The following FNIP1 variants were observed in gnomAD, a reference collection of about 807,000 sequenced individuals.
The protein encoded by FNIP1 is folliculin interacting protein 1.
Under a neutral mutation model 124.5 loss-of-function variants are expected in FNIP1, and 40 were observed. The observed-to-expected ratio is 0.32, with a 90% CI of 0.25 to 0.42. The LOEUF (loss-of-function observed/expected upper bound fraction) is 0.42. Ranked by LOEUF, FNIP1 falls within the 10% of genes least tolerant of loss-of-function variation. The pLI is 1.00. For missense variants in FNIP1, 1,176 were observed against 1,403.7 expected, an observed-to-expected ratio of 0.84 and a Z score of 2.59; for synonymous variants, 472 against 470.6, an observed-to-expected ratio of 1.00 and a Z score of -0.04.
chr5:131,756,737 G>A (rs774006488), intron 1 of FNIP1, among the ~76,000 whole-genome samples: 7 of 152,092 alleles, frequency 4.6e-5, no homozygotes, highest in Non-Finnish European at 8.8e-5. Context: ...AAAAAGCAGC[G>A]GTCAAGCATA....
At chr5:131,732,999 T>C (rs1431312880) in intron 2 of FNIP1, among the ~76,000 whole-genome samples, 1 of 152,164 alleles carries the variant, frequency 6.6e-6, no homozygotes, top group African/African-American at 2.4e-5. Flanking sequence ...TCCTCTTTTA[T>C]TTCGTTGAGC....
At chr5:131,755,349 A>C (rs1771013209) in intron 1 of FNIP1, among the ~76,000 whole-genome samples, 1 of 150,798 alleles carries the variant, frequency 6.6e-6, no homozygotes, top group Non-Finnish European at 1.5e-5. Context: ...TGAACCTGGG[A>C]GGCAGAGGTC....
At chr5:131,721,083 T>C (rs948688061) in intron 3 of FNIP1, among the ~76,000 whole-genome samples, 4 of 152,198 alleles carry the variant, frequency 2.6e-5, no homozygotes, top group African/African-American at 7.2e-5. Context: ...TAACCCTAAA[T>C]GTCCACTGAC....
At chr5:131,773,738 T>C (rs1371211458) in intron 1 of FNIP1, among the ~76,000 whole-genome samples, 1 of 152,244 alleles carries the variant, frequency 6.6e-6, no homozygotes, top group Non-Finnish European at 1.5e-5. Context: ...TTCTGACAAC[T>C]ATCTCAACAT....
At chr5:131,734,657 G>A (rs9765486) in intron 2 of FNIP1, among the ~76,000 whole-genome samples, 4,559 of 152,258 alleles carry the variant, frequency 0.03, 228 homozygotes, top group African/African-American at 0.1. Flanking sequence ...CGAAGGATAT[G>A]AACAGACACC....
At chr5:131,772,932 C>T (rs574729112) in intron 1 of FNIP1, among the ~76,000 whole-genome samples, 1 of 152,260 alleles carries the variant, frequency 6.6e-6, no homozygotes, top group South Asian at 2.1e-4. Flanking sequence ...TGTAAGTTAC[C>T]AGTTGCCTAG....
At chr5:131,681,058 G>A (rs1477705488) in intron 11 of FNIP1, among the ~76,000 whole-genome samples, 1 of 152,108 alleles carries the variant, frequency 6.6e-6, no homozygotes, top group Non-Finnish European at 1.5e-5. Flanking sequence ...ATAAATGGTT[G>A]GCAGCTCCCT....
chr5:131,685,312 C>A (rs2149521505), intron 11 of FNIP1, among the ~76,000 whole-genome samples: 1 of 152,016 alleles, frequency 6.6e-6, no homozygotes, highest in Non-Finnish European at 1.5e-5. Flanking sequence ...TGTTTTGAAA[C>A]CCTCTCTCAA....
chr5:131,771,611 C>G (rs566092337), intron 1 of FNIP1, among the ~76,000 whole-genome samples: 1 of 152,186 alleles, frequency 6.6e-6, no homozygotes, highest in African/African-American at 2.4e-5. Context: ...TCTGTAAGTC[C>G]TCTCAATTCA....
intron 3 of FNIP1, among the ~76,000 whole-genome samples, chr5:131,723,300 T>C (rs1166974302): frequency 1.3e-5 from 2 of 152,216 alleles, no homozygotes; most frequent in East Asian, 1.9e-4. Context: ...ACTGAATTTC[T>C]TATTTCTTGT....
At chr5:131,743,335 T>C (rs1580803501) in intron 2 of FNIP1, among the ~76,000 whole-genome samples, 1 of 149,462 alleles carries the variant, frequency 6.7e-6, no homozygotes, top group Admixed American at 6.7e-5. Flanking sequence ...TTTCAGAAAG[T>C]TGAGTAATAA....
intron 1 of FNIP1, among the ~76,000 whole-genome samples, chr5:131,775,738 G>C (rs1331874372): frequency 1.3e-5 from 2 of 151,874 alleles, no homozygotes; most frequent in African/African-American, 4.8e-5. Context: ...ATGTTAGCCA[G>C]GCTGGTCTCA....
chr5:131,752,916 T>C (rs1371702107), intron 1 of FNIP1, among the ~76,000 whole-genome samples: 1 of 151,730 alleles, frequency 6.6e-6, no homozygotes, highest in Non-Finnish European at 1.5e-5. Context: ...TAAAAAAAAA[T>C]ATAAAATTAG....
chr5:131,784,402 A>C lies in FNIP1; in HGVS notation c.92+12428T>G, dbSNP rs924704180. On this transcript the variant is annotated intron_variant, in intron 1 of 17. Coordinates refer to ENST00000510461, the MANE Select transcript of FNIP1 (RefSeq NM_133372.3). The stretch of plus-strand genomic sequence containing the variant: ...AGTTAATTTTGATCATTCAACCAAA[A>C]ATTCTAATATTGAAAGAATGAAGGA... 1.2e-4 allele frequency among the ~76,000 whole-genome samples: 19 copies of C among 152,176 alleles called. 1 individual carries two copies.
intron 2 of FNIP1, among the ~76,000 whole-genome samples, chr5:131,736,673 AAG>A (rs1247816899): frequency 6.6e-6 from 1 of 152,210 alleles, no homozygotes; most frequent in Non-Finnish European, 1.5e-5. Flanking sequence ...TCTATCTCTA[AAG>A]AGATACAACA....
At chr5:131,763,663 A>G (rs751393005) in intron 1 of FNIP1, among the ~76,000 whole-genome samples, 3 of 152,130 alleles carry the variant, frequency 2.0e-5, no homozygotes, top group Non-Finnish European at 4.4e-5. Flanking sequence ...TACCTCCAAC[A>G]CTGAGGATTA....
chr5:131,787,930 C>A (rs374838728), intron 1 of FNIP1, among the ~76,000 whole-genome samples: 2 of 152,078 alleles, frequency 1.3e-5, no homozygotes, highest in Non-Finnish European at 2.9e-5. Context: ...GCTAGGATTG[C>A]GCCACTGAAC....
chr5:131,717,993 C>T (rs1488218828), intron 5 of FNIP1, among the ~76,000 whole-genome samples: 1 of 150,632 alleles, frequency 6.6e-6, no homozygotes, highest in Non-Finnish European at 1.5e-5. Context: ...ACCAGCCTGG[C>T]CAACATAGTG....
chr5:131,652,975 A>AAAC (rs904746566), intron 15 of FNIP1, among the ~76,000 whole-genome samples: 14 of 152,118 alleles, frequency 9.2e-5, no homozygotes, highest in East Asian at 3.9e-4. Flanking sequence ...AAAAAAACAC[A>AAAC]AACAACAACA....
Sources: gnomAD v4.1 joint callset for allele counts (sites outside exome capture counted in the v4.1 genomes callset) on GRCh38, gnomAD v4.1.1 for gene constraint, MANE v1.5 for transcripts, NCBI Gene and HGNC (gene_info 2026-07-23, HGNC 2026-07-21) for gene names.